TSPAN9: variants seen among roughly 807,000 people sequenced by gnomAD.
TSPAN9 encodes the protein tetraspanin-9.
TSPAN9 carries 16 observed loss-of-function variants against 31.0 expected under a neutral mutation model. That is an observed-to-expected ratio of 0.52 (90% CI 0.35 to 0.78). The LOEUF is 0.78. Ranked by LOEUF, TSPAN9 falls within the 30% of genes least tolerant of loss-of-function variation. TSPAN9 has a pLI of 0.01. For missense variants in TSPAN9, 272 were observed against 312.5 expected, an observed-to-expected ratio of 0.87 and a Z score of 0.98; for synonymous variants, 145 against 121.6, an observed-to-expected ratio of 1.19 and a Z score of -1.27.
chr12:3,081,838 G>GTATATATATATATA (rs1456999682), intron 1 of TSPAN9, among the ~76,000 whole-genome samples: 26 of 31,028 alleles, frequency 8.4e-4, no homozygotes, highest in African/African-American at 3.5e-3. Flanking sequence ...GTGTGTGTCT[G>GTATATATATATATA]TGTGTGTATA....
intron 3 of TSPAN9, among the ~76,000 whole-genome samples, chr12:3,224,870 G>A (rs115750489): frequency 6.6e-6 from 1 of 152,250 alleles, no homozygotes; most frequent in Admixed American, 6.5e-5. Context: ...CTCTTGAGGG[G>A]CTTGTGGGGG....
At chr12:3,221,578 T>TG (rs2098384630) in intron 3 of TSPAN9, among the ~76,000 whole-genome samples, 1 of 152,140 alleles carries the variant, frequency 6.6e-6, no homozygotes, top group Non-Finnish European at 1.5e-5. Context: ...AGGCTGGTCT[T>TG]GAACTCCTGA....
At chr12:3,255,409 C>G (rs1404824338) in intron 3 of TSPAN9, among the ~76,000 whole-genome samples, 1 of 152,194 alleles carries the variant, frequency 6.6e-6, no homozygotes, top group Non-Finnish European at 1.5e-5. Context: ...GAGCAGCGAT[C>G]AGGGCAACTG....
At chr12:3,218,873 C>A (rs1565618692) in intron 3 of TSPAN9, among the ~76,000 whole-genome samples, 1 of 151,894 alleles carries the variant, frequency 6.6e-6, no homozygotes, top group East Asian at 1.9e-4. Context: ...TTTTCCTTTA[C>A]CCCCCGGCAA....
At chr12:3,153,327 A>G (rs80111741) in intron 2 of TSPAN9, among the ~76,000 whole-genome samples, 11,748 of 152,224 alleles carry the variant, frequency 0.077, 479 homozygotes, top group Non-Finnish European at 0.093. Flanking sequence ...GGTATAAAAT[A>G]CCTGACAAAC....
intron 2 of TSPAN9, among the ~76,000 whole-genome samples, chr12:3,103,049 C>G (rs1331784597): frequency 6.6e-6 from 1 of 152,190 alleles, no homozygotes; most frequent in African/African-American, 2.4e-5. Context: ...CCAGCTGGCT[C>G]CCTTGGGGGA....
chr12:3,111,877 G>A (rs892625863), intron 2 of TSPAN9, among the ~76,000 whole-genome samples: 2 of 152,108 alleles, frequency 1.3e-5, no homozygotes, highest in Non-Finnish European at 2.9e-5. Context: ...CTCCCAAGGT[G>A]CTGGGATTAC....
At chr12:3,117,409 G>A (rs560648751) in intron 2 of TSPAN9, among the ~76,000 whole-genome samples, 18 of 152,288 alleles carry the variant, frequency 1.2e-4, no homozygotes, top group African/African-American at 4.3e-4. Context: ...AACAAGGGGA[G>A]GGGAGAGGAA....
At chr12:3,241,342 T>C (rs1185789117) in intron 3 of TSPAN9, among the ~76,000 whole-genome samples, 1 of 152,224 alleles carries the variant, frequency 6.6e-6, no homozygotes, top group Admixed American at 6.5e-5. Flanking sequence ...GCGTGGCATT[T>C]ATATACTATG....
chr12:3,172,362 T>G lies in TSPAN9; in HGVS notation c.-17-28815T>G, dbSNP rs894988799. The G allele has an allele frequency of 6.6e-6, 1 of 152,452 alleles. No individual in the cohort carries two copies. The highest frequency in any genetic ancestry group is 2.4e-5 in the African/African-American group (1 of 41,582). 9.4% of individuals were successfully genotyped at this position (152,452 alleles called of 1,614,324 possible). ...AGGCAGCCCCGGGGAGCCGGCATGG[T>G]CAGGGTCATGCTGTTTTCAGTTGTG... On this transcript the variant is annotated intron_variant, in intron 2 of 8. Coordinates refer to ENST00000011898, the MANE Select transcript of TSPAN9 (RefSeq NM_006675.5). This position sits in a 1 kb window ranked among gnomAD's most constrained non-coding sequence, Gnocchi z 4.8.
intron 3 of TSPAN9, among the ~76,000 whole-genome samples, chr12:3,241,731 C>T (rs533627844): frequency 2.0e-5 from 3 of 152,316 alleles, no homozygotes; most frequent in South Asian, 2.1e-4. Flanking sequence ...GTGGAGGTCC[C>T]GGCCTTGCCA....
At chr12:3,239,521 C>T (rs1469543793) in intron 3 of TSPAN9, among the ~76,000 whole-genome samples, 1 of 152,244 alleles carries the variant, frequency 6.6e-6, no homozygotes, top group East Asian at 1.9e-4. Flanking sequence ...AGGCAGCCGC[C>T]ACCTTCCCCG....
chr12:3,171,236 CTTTA>C (rs1446562247), intron 2 of TSPAN9, among the ~76,000 whole-genome samples: 2 of 151,876 alleles, frequency 1.3e-5, no homozygotes, highest in Admixed American at 1.3e-4. Context: ...ATTCTTTTTT[CTTTA>C]TTTGTCACCC....
chr12:3,094,622 C>T lies in TSPAN9; in HGVS notation c.-18+10903C>T, dbSNP rs191588979. The stretch of plus-strand genomic sequence containing the variant: ...TGCAGTCTCGGCTCACCACAACCTC[C>T]GCTCCTGGGTTCAAGCGATTCTCCT... On this transcript the variant is annotated intron_variant, in intron 2 of 8. Coordinates refer to ENST00000011898, the MANE Select transcript of TSPAN9 (RefSeq NM_006675.5). Among the ~76,000 whole-genome samples the T allele has an allele frequency of 2.0e-4, 30 of 151,228 alleles. 1 individual carries two copies. In the East Asian group the frequency reaches 5.7e-3, roughly 29 times the overall value.
chr12:3,155,186 C>A (rs1233555050), intron 2 of TSPAN9, among the ~76,000 whole-genome samples: 4 of 152,052 alleles, frequency 2.6e-5, no homozygotes, highest in African/African-American at 7.2e-5. Context: ...AGCTTGTGAC[C>A]CCTGCTTTAT....
In TSPAN9 at chr12:3,168,460, A is replaced by G. The variant is rs1453340310; in HGVS notation, c.-17-32717A>G. ...GCTCAGCGTCAAGCACACAGGACAG[A>G]ATGAATTCAGGACAGAGTCTAAGAA... On this transcript the variant is annotated intron_variant, in intron 2 of 8. Transcript: ENST00000011898. This position sits in a 1 kb window ranked among gnomAD's most constrained non-coding sequence, Gnocchi z 4.0. Among the ~76,000 whole-genome samples, 1 of 152,190 alleles carries G rather than the reference A, an allele frequency of 6.6e-6. No individual in the cohort carries two copies. The highest frequency in any genetic ancestry group is 1.5e-5 in the Non-Finnish European group (1 of 68,034).
chr12:3,197,725 T>C lies in TSPAN9; in HGVS notation c.-17-3452T>C, dbSNP rs111396009. ...CAGCACAGGTCACCACCAGCACAGG[T>C]CACCACCAGCACAGGCCACCACCAG... On this transcript the variant is annotated intron_variant, in intron 2 of 8. Coordinates refer to ENST00000011898, the MANE Select transcript of TSPAN9 (RefSeq NM_006675.5). 1.8e-3 allele frequency among the ~76,000 whole-genome samples: 156 copies of C among 88,272 alleles called. No individual in the cohort carries two copies. The East Asian group carries it at 0.024, about 13-fold the overall frequency. The allele number at this position is 88,272 out of a possible 152,430, so 57.9% of individuals were successfully genotyped here.
intron 3 of TSPAN9, among the ~76,000 whole-genome samples, chr12:3,235,182 CAAAAAAAAAAAAAAAAAAAAAAAAA>C (rs1175957854): frequency 9.1e-5 from 1 of 10,992 alleles, no homozygotes; most frequent in Non-Finnish European, 1.4e-4. Context: ...GACTCCGTCT[CAAAAAAAAAAAAAAAAAAAAAAAAA>C]AAAAAAAAAA....
chr12:3,278,721 C>G, intron 4 of TSPAN9, 109 bp downstream of exon 4: 1 of 1,407,576 alleles, frequency 7.1e-7, no homozygotes, highest in Non-Finnish European at 9.6e-7. Flanking sequence ...CCAACCTGAG[C>G]CCAGGGAAAC....
Sources: allele counts gnomAD v4.1 joint callset (sites outside exome capture counted in the v4.1 genomes callset), GRCh38; gene constraint gnomAD v4.1.1; non-coding constraint Gnocchi (gnomAD v3.1); transcripts MANE v1.5; gene names NCBI Gene and HGNC (gene_info 2026-07-23, HGNC 2026-07-21).